Variants in WDR89 observed in about 807,000 individuals in gnomAD.
WDR89 encodes the protein WD repeat domain 89, also known as WD repeat-containing protein 89.
A neutral mutation model predicts 29.1 loss-of-function variants in WDR89; 17 were observed. The observed-to-expected ratio is 0.58, with a 90% CI of 0.40 to 0.88. The LOEUF (loss-of-function observed/expected upper bound fraction) is 0.88. Ranked by LOEUF, WDR89 falls within the 40% of genes least tolerant of loss-of-function variation. The pLI is 0.00. For missense variants in WDR89, 396 were observed against 456.3 expected, an observed-to-expected ratio of 0.87 and a Z score of 1.20; for synonymous variants, 138 against 157.8, an observed-to-expected ratio of 0.87 and a Z score of 0.94.
intron 2 of WDR89, among the ~76,000 whole-genome samples, chr14:63,600,198 A>C (rs1178791929): frequency 2.0e-5 from 3 of 152,178 alleles, no homozygotes; most frequent in Non-Finnish European, 4.4e-5. Flanking sequence ...ATCACTCTTT[A>C]ATACTGAATT....
At chr14:63,618,196 C>G (rs1244570797) in intron 2 of WDR89, 1 of 152,038 alleles carries the variant, frequency 6.6e-6, no homozygotes, top group African/African-American at 2.4e-5. Context: ...TCTCTGTCAC[C>G]CAGGCTGGAG....
chr14:63,599,337 A>G lies in WDR89; in HGVS notation c.606T>C (p.Ile202=). The G allele has an allele frequency of 6.2e-7, 1 of 1,614,130 alleles. No individual in the cohort carries two copies. Among genetic ancestry groups the G allele is most frequent in the Non-Finnish European group, 8.5e-7 (1 of 1,180,052 alleles). ...DGLVNVFDIN[I]DNEEDALVTT... is the part of the protein sequence containing the mutation. ...TAACCAGTGCATCCTCCTCATTATC[A>G]ATATTAATATCAAATACATTTACCA... Residue 202 remains isoleucine, a synonymous_variant, in exon 3 of 3, where the codon ATT becomes ATC. Coordinates refer to ENST00000620954, the MANE Select transcript of WDR89 (RefSeq NM_080666.4).
chr14:63,607,719 T>C (rs1881665343), intron 2 of WDR89, among the ~76,000 whole-genome samples: 1 of 150,550 alleles, frequency 6.6e-6, no homozygotes, highest in Non-Finnish European at 1.5e-5. Flanking sequence ...CCATCTCTAC[T>C]AAAAATACAA....
At chr14:63,628,948 AC>A (rs201860272) in intron 1 of WDR89, among the ~76,000 whole-genome samples, 2,185 of 149,298 alleles carry the variant, frequency 0.015, 60 homozygotes, top group African/African-American at 0.049. Flanking sequence ...CAAAAAAAAA[AC>A]AAAAAACAAA....
intron 2 of WDR89, among the ~76,000 whole-genome samples, chr14:63,621,533 G>T (rs925186213): frequency 6.6e-6 from 1 of 152,146 alleles, no homozygotes; most frequent in Non-Finnish European, 1.5e-5. Context: ...AGGAGGTGTA[G>T]GTTGCAGTGA....
At chr14:63,608,376 C>A (rs761302032) in intron 2 of WDR89, among the ~76,000 whole-genome samples, 10 of 151,460 alleles carry the variant, frequency 6.6e-5, no homozygotes, top group Non-Finnish European at 1.2e-4. Context: ...AAGTCTCTTT[C>A]TCAAAAAAAA....
At chr14:63,605,100 G>C (rs751629597) in intron 2 of WDR89, among the ~76,000 whole-genome samples, 9 of 152,144 alleles carry the variant, frequency 5.9e-5, no homozygotes, top group Non-Finnish European at 1.2e-4. Flanking sequence ...AGGGAGCTGT[G>C]ATTGCACCAC....
At chr14:63,610,523 C>T (rs538526084) in intron 2 of WDR89, among the ~76,000 whole-genome samples, 1 of 152,124 alleles carries the variant, frequency 6.6e-6, no homozygotes, top group Admixed American at 6.6e-5. Context: ...GATGACATCA[C>T]TGTGACCAAC....
intron 1 of WDR89, among the ~76,000 whole-genome samples, chr14:63,639,869 C>T (rs910100240): frequency 2.0e-5 from 3 of 152,124 alleles, no homozygotes; most frequent in East Asian, 1.9e-4. Context: ...GTAATCCCTG[C>T]CACTTGGGAG....
intron 2 of WDR89, among the ~76,000 whole-genome samples, chr14:63,603,578 CTTCT>C (rs1350640664): frequency 1.3e-5 from 2 of 152,134 alleles, no homozygotes; most frequent in African/African-American, 4.8e-5. Context: ...CCTTTCTCTG[CTTCT>C]TTGACTAGGA....
At chr14:63,632,127 CA>C (rs530305788) in intron 1 of WDR89, among the ~76,000 whole-genome samples, 4 of 139,140 alleles carry the variant, frequency 2.9e-5, no homozygotes, top group Admixed American at 7.2e-5. Context: ...AACAAACAAA[CA>C]AAAAAAAAAC....
intron 1 of WDR89, among the ~76,000 whole-genome samples, chr14:63,641,589 T>C (rs1037766322): frequency 6.6e-6 from 1 of 152,252 alleles, no homozygotes; most frequent in Non-Finnish European, 1.5e-5. Context: ...CAGAAGTTTC[T>C]TTGGCCAGGG....
In WDR89 at chr14:63,597,937, A is replaced by G. The variant is rs1255297255; in HGVS notation, c.*842T>C. ...AATAATGAAAGTCTTCTCTAGGGTA[A>G]TAGTGGTGAGGTAAAGGCAAAAGGA... On this transcript the variant is annotated 3_prime_UTR_variant, in exon 3 of 3. Transcript: ENST00000620954. The G allele has an allele frequency of 6.6e-6, 1 of 152,194 alleles. No individual in the cohort carries two copies. The highest frequency in any genetic ancestry group is 2.4e-5 in the African/African-American group (1 of 41,438). 9.4% of individuals were successfully genotyped at this position (152,194 alleles called of 1,614,324 possible).
intron 2 of WDR89, among the ~76,000 whole-genome samples, chr14:63,608,560 T>C (rs567135319): frequency 1.2e-4 from 19 of 152,248 alleles, no homozygotes; most frequent in African/African-American, 2.6e-4. Context: ...GGAGGCAATG[T>C]TACTAGTTTC....
intron 2 of WDR89, 144 bp from the exon 3 acceptor site, chr14:63,600,117 A>T: frequency 2.2e-6 from 1 of 454,110 alleles, no homozygotes; most frequent in Non-Finnish European, 3.7e-6. Context: ...ATCAATCAAC[A>T]GAAATGTATT....
At chr14:63,621,211 G>A (rs1235243030) in intron 2 of WDR89, among the ~76,000 whole-genome samples, 1 of 152,120 alleles carries the variant, frequency 6.6e-6, no homozygotes, top group Admixed American at 6.6e-5. Context: ...CTAAACATAT[G>A]TTCGTGCAAA....
intron 2 of WDR89, among the ~76,000 whole-genome samples, chr14:63,611,785 G>GGTGCAATCTCGGCTCC (rs1215702686): frequency 3.9e-5 from 5 of 126,972 alleles, no homozygotes; most frequent in Non-Finnish European, 3.1e-5. Flanking sequence ...AGAGTGCTGT[G>GGTGCAATCTCGGCTCC]GTGCAATCTC....
At chr14:63,624,150 A>G (rs947105373) in intron 2 of WDR89, among the ~76,000 whole-genome samples, 1 of 152,090 alleles carries the variant, frequency 6.6e-6, no homozygotes, top group African/African-American at 2.4e-5. Context: ...AAAATGTAAA[A>G]CCTGCTTTTG....
intron 2 of WDR89, among the ~76,000 whole-genome samples, chr14:63,620,021 A>G (rs996971983): frequency 4.6e-5 from 7 of 151,854 alleles, no homozygotes; most frequent in Admixed American, 2.6e-4. Context: ...AAAAAAAAAA[A>G]AAAGAAAAAG....
Sources: allele counts gnomAD v4.1 joint callset (sites outside exome capture counted in the v4.1 genomes callset), GRCh38; gene constraint gnomAD v4.1.1; transcripts MANE v1.5; gene names NCBI Gene and HGNC (gene_info 2026-07-23, HGNC 2026-07-21).